Variants in RNLS observed in about 807,000 individuals in gnomAD.
The protein encoded by RNLS is renalase.
Under a neutral mutation model 39.8 loss-of-function variants are expected in RNLS, and 39 were observed. The observed-to-expected ratio is 0.98, with a 90% confidence interval of 0.76 to 1.28. The LOEUF (loss-of-function observed/expected upper bound fraction) is 1.28, where lower values mean the gene tolerates loss of function less well. Among genes scored for constraint, RNLS ranks in the 50% most tolerant of loss-of-function variants. RNLS has a pLI of 0.00. For synonymous variants in RNLS, 147 were observed against 150.7 expected, an observed-to-expected ratio of 0.98 and a Z score of 0.18; for missense variants, 410 against 413.3, an observed-to-expected ratio of 0.99 and a Z score of 0.07.
the RNLS span, among the ~76,000 whole-genome samples, chr10:88,206,120 A>C: frequency 6.6e-6 from 1 of 152,310 alleles, no homozygotes; most frequent in Non-Finnish European, 1.5e-5. Context: ...GAGGTTTAGC[A>C]AAGGTTTTTC....
chr10:88,238,358 T>C, the RNLS span, among the ~76,000 whole-genome samples: 2 of 152,150 alleles, frequency 1.3e-5, no homozygotes, highest in Admixed American at 6.5e-5. Context: ...GCATTCCCCA[T>C]AGCATAGATG....
intron 6 of RNLS, among the ~76,000 whole-genome samples, chr10:88,312,442 C>T (rs1845446344): frequency 6.6e-6 from 1 of 152,156 alleles, no homozygotes; most frequent in South Asian, 2.1e-4. Context: ...CGACTCTGAC[C>T]TCCAGGACTG....
intron 5 of RNLS, among the ~76,000 whole-genome samples, chr10:88,355,112 T>A (rs1849048314): frequency 6.6e-6 from 1 of 152,182 alleles, no homozygotes; most frequent in African/African-American, 2.4e-5. Context: ...GTTAGCCATT[T>A]GTCTAATCTT....
At chr10:88,304,564 G>A (rs776103488) in intron 6 of RNLS, among the ~76,000 whole-genome samples, 5 of 152,162 alleles carry the variant, frequency 3.3e-5, no homozygotes, top group Non-Finnish European at 7.3e-5. Flanking sequence ...ATTAGCAGCA[G>A]AATAGACCAA....
intron 4 of RNLS, among the ~76,000 whole-genome samples, chr10:88,512,884 T>C (rs767748248): frequency 1.3e-5 from 2 of 152,160 alleles, no homozygotes; most frequent in African/African-American, 2.4e-5. Context: ...ATTAGTTGTA[T>C]GGTGCTGGAT....
At chr10:88,208,504 T>C in the RNLS span, among the ~76,000 whole-genome samples, 1 of 152,282 alleles carries the variant, frequency 6.6e-6, no homozygotes, top group Middle Eastern at 3.4e-3. Flanking sequence ...TACAATAATG[T>C]AGTATTGGCA....
intron 4 of RNLS, among the ~76,000 whole-genome samples, chr10:88,543,679 AT>A (rs1848158023): frequency 6.6e-6 from 1 of 152,190 alleles, no homozygotes; most frequent in East Asian, 1.9e-4. Context: ...ATGTCTCAAA[AT>A]AAAATCAACC....
chr10:88,256,559 G>A, the RNLS span, among the ~76,000 whole-genome samples: 1 of 152,146 alleles, frequency 6.6e-6, no homozygotes, highest in South Asian at 2.1e-4. Context: ...TTTCATGCGG[G>A]GTCCGCCCAC....
At chr10:88,372,327 A>T (rs1023392555) in intron 4 of RNLS, among the ~76,000 whole-genome samples, 1 of 152,134 alleles carries the variant, frequency 6.6e-6, no homozygotes, top group African/African-American at 2.4e-5. Flanking sequence ...CTGTCAAGGA[A>T]AAAAGGGTTT....
At chr10:88,315,741 T>TTC (rs1388488712) in intron 5 of RNLS, among the ~76,000 whole-genome samples, 2 of 151,052 alleles carry the variant, frequency 1.3e-5, no homozygotes. Context: ...ATTTCAGGTT[T>TTC]TTTTTTTTTT....
chr10:88,580,367 A>G (rs192976406), intron 3 of RNLS, among the ~76,000 whole-genome samples: 1 of 152,276 alleles, frequency 6.6e-6, no homozygotes, highest in Admixed American at 6.5e-5. Context: ...TGTTTATTCA[A>G]TCTTACTGAC....
At chr10:88,447,374 C>T (rs1564806748) in intron 4 of RNLS, among the ~76,000 whole-genome samples, 1 of 151,788 alleles carries the variant, frequency 6.6e-6, no homozygotes, top group Non-Finnish European at 1.5e-5. Flanking sequence ...CAATAACAGA[C>T]AGAGAGCCAA....
At chr10:88,288,398 CAAAACA>C (rs889169636) in intron 6 of RNLS, among the ~76,000 whole-genome samples, 3 of 152,140 alleles carry the variant, frequency 2.0e-5, no homozygotes, top group South Asian at 4.1e-4. Context: ...TGAAGTAAAA[CAAAACA>C]AAAATTTTTG....
In RNLS at chr10:88,430,232, T is replaced by G. The variant is rs180910943; in HGVS notation, c.527-67507A>C. ...TCTCATATATCTTTTGTCAGATATATTCCTATGTTTCATTTTTAAATGCTA... is the reference window on the plus strand; with the variant it reads ...TCTCATATATCTTTTGTCAGATATAGTCCTATGTTTCATTTTTAAATGCTA... On this transcript the variant is annotated intron_variant, in intron 4 of 6. Coordinates refer to ENST00000331772, the MANE Select transcript of RNLS (RefSeq NM_001031709.3). 3.7e-4 allele frequency among the ~76,000 whole-genome samples: 56 copies of G among 152,030 alleles called. 2 individuals carry two copies. The East Asian group carries it at 0.01, about 28-fold the overall frequency.
intron 2 of RNLS, among the ~76,000 whole-genome samples, chr10:88,581,925 G>A (rs541588728): frequency 3.5e-4 from 53 of 152,226 alleles, no homozygotes; most frequent in Non-Finnish European, 6.2e-4. Flanking sequence ...TCCATAGGTC[G>A]TTTGCTGACT....
intron 5 of RNLS, among the ~76,000 whole-genome samples, chr10:88,354,574 C>G (rs140336733): frequency 6.6e-6 from 1 of 152,052 alleles, no homozygotes; most frequent in African/African-American, 2.4e-5. Flanking sequence ...TAATTTCTGC[C>G]GAGAGATCAG....
At chr10:88,339,277 T>C (rs185614225) in intron 5 of RNLS, among the ~76,000 whole-genome samples, 1 of 152,350 alleles carries the variant, frequency 6.6e-6, no homozygotes, top group African/African-American at 2.4e-5. Flanking sequence ...TACAGCTATT[T>C]TCTTTATACA....
the RNLS span, among the ~76,000 whole-genome samples, chr10:88,243,848 C>G: frequency 6.6e-6 from 1 of 152,224 alleles, no homozygotes; most frequent in Non-Finnish European, 1.5e-5. Context: ...TCCTATCACC[C>G]TTGGCAGCTA....
intron 4 of RNLS, among the ~76,000 whole-genome samples, chr10:88,436,467 A>G (rs1398704540): frequency 5.3e-5 from 8 of 152,198 alleles, no homozygotes; most frequent in Non-Finnish European, 8.8e-5. Flanking sequence ...TGCCAGTTGT[A>G]TATTTTATAC....
Sources: allele counts gnomAD v4.1 joint callset (sites outside exome capture counted in the v4.1 genomes callset), GRCh38; gene constraint gnomAD v4.1.1; transcripts MANE v1.5; gene names NCBI Gene and HGNC (gene_info 2026-07-23, HGNC 2026-07-21).